The following SAXO1 variants were observed in gnomAD, a reference collection of about 807,000 sequenced individuals.
SAXO1 encodes the protein stabilizer of axonemal microtubules 1.
Under a neutral mutation model 17.5 loss-of-function variants are expected in SAXO1, and 21 were observed. The ratio of observed to expected loss-of-function variants is 1.20; its 90% CI spans 0.85 to 1.72. The LOEUF (loss-of-function observed/expected upper bound fraction) is 1.72. SAXO1 is among the 40% of genes most tolerant of loss of function. SAXO1 has a pLI of 0.00. For synonymous variants in SAXO1, 274 were observed against 216.5 expected, an observed-to-expected ratio of 1.27 and a Z score of -2.33; for missense variants, 843 against 596.0, an observed-to-expected ratio of 1.41 and a Z score of -4.32.
chr9:19,019,131 A>G (rs1265158248), intron 1 of SAXO1, among the ~76,000 whole-genome samples: 1 of 151,972 alleles, frequency 6.6e-6, no homozygotes, highest in African/African-American at 2.4e-5. Flanking sequence ...AAAAAAAAAG[A>G]ACCCTCTTAA....
chr9:18,929,142 G>A lies in SAXO1; in HGVS notation c.422-87C>T, dbSNP rs1269831830. The A allele has an allele frequency of 2.8e-6, 4 of 1,428,394 alleles. No individual in the cohort carries two copies. The African/African-American group carries it at 5.7e-5, about 20-fold the overall frequency. The allele number at this position is 1,428,394 out of a possible 1,614,324, so 88.5% of individuals were successfully genotyped here. ...TACAGAGCCCCAAGGTCTTAAGGCAGTCTCCGATGAAGTGTTCTTTGAGAC... is the reference window on the plus strand; with the variant it reads ...TACAGAGCCCCAAGGTCTTAAGGCAATCTCCGATGAAGTGTTCTTTGAGAC... On this transcript the variant is annotated intron_variant, in intron 3 of 3. Transcript: ENST00000380534.
intron 1 of SAXO1, among the ~76,000 whole-genome samples, chr9:18,956,275 T>C (rs1832256384): frequency 6.6e-6 from 1 of 151,814 alleles, no homozygotes; most frequent in African/African-American, 2.4e-5. Context: ...AGAATTTTCA[T>C]GGCTGCAAAC....
chr9:18,959,976 C>T (rs1310838384), intron 1 of SAXO1, among the ~76,000 whole-genome samples: 1 of 152,046 alleles, frequency 6.6e-6, no homozygotes, highest in Non-Finnish European at 1.5e-5. Context: ...ATGAGAGAAG[C>T]CCTGTTGGAA....
chr9:19,016,773 T>C (rs929639372), intron 1 of SAXO1, among the ~76,000 whole-genome samples: 1 of 152,012 alleles, frequency 6.6e-6, no homozygotes, highest in African/African-American at 2.4e-5. Flanking sequence ...CGCTAGCCAT[T>C]TTCTTTTAAC....
At chr9:18,936,694 G>A (rs1466930067) in intron 3 of SAXO1, among the ~76,000 whole-genome samples, 1 of 152,178 alleles carries the variant, frequency 6.6e-6, no homozygotes, top group Non-Finnish European at 1.5e-5. Context: ...CAGGGCCAGA[G>A]TGTCATGTGG....
In SAXO1 at chr9:19,014,059, G is replaced by C. The variant is rs563172053; in HGVS notation, c.38+18812C>G. Among the ~76,000 whole-genome samples the C allele has an allele frequency of 3.9e-5, 6 of 152,266 alleles. No homozygotes were observed. In the East Asian group the frequency reaches 1.2e-3, roughly 29 times the overall value. On this transcript the variant is annotated intron_variant, in intron 1 of 3. Coordinates refer to ENST00000380534, the MANE Select transcript of SAXO1 (RefSeq NM_153707.4). ...AAACGTCCTCAGGATAGTTTGGTGAGCCTGGAACACAGGCAGCATGAGGAG... is the reference window on the plus strand; with the variant it reads ...AAACGTCCTCAGGATAGTTTGGTGACCCTGGAACACAGGCAGCATGAGGAG...
At chr9:18,944,869 T>G (rs1038755843) in intron 2 of SAXO1, among the ~76,000 whole-genome samples, 1 of 152,246 alleles carries the variant, frequency 6.6e-6, no homozygotes, top group African/African-American at 2.4e-5. Flanking sequence ...CTGTTTTTAA[T>G]GTTTATTTAT....
intron 1 of SAXO1, among the ~76,000 whole-genome samples, chr9:18,991,150 C>G (rs559053629): frequency 1.3e-5 from 2 of 152,124 alleles, no homozygotes; most frequent in Admixed American, 6.5e-5. Context: ...CCCAGCTGCT[C>G]GAGAGGCTGA....
intron 1 of SAXO1, among the ~76,000 whole-genome samples, chr9:19,020,069 G>C (rs189295579): frequency 4.7e-5 from 7 of 150,212 alleles, no homozygotes; most frequent in East Asian, 2.0e-4. Flanking sequence ...CTTCAGTTGT[G>C]GTCTGACAAA....
intron 1 of SAXO1, among the ~76,000 whole-genome samples, chr9:18,989,650 A>C (rs986930775): frequency 6.6e-6 from 1 of 152,190 alleles, no homozygotes; most frequent in Non-Finnish European, 1.5e-5. Context: ...TAAACAACTC[A>C]TAAGTTATAT....
intron 1 of SAXO1, among the ~76,000 whole-genome samples, chr9:19,003,885 T>G (rs1834384131): frequency 6.6e-6 from 1 of 152,058 alleles, no homozygotes; most frequent in Non-Finnish European, 1.5e-5. Context: ...AAAGCCAAAA[T>G]AGACAAATGG....
intron 2 of SAXO1, among the ~76,000 whole-genome samples, chr9:18,942,557 G>A (rs888920437): frequency 2.6e-5 from 4 of 152,208 alleles, no homozygotes; most frequent in Non-Finnish European, 4.4e-5. Context: ...AAACCCAGAA[G>A]AGGAAAACAG....
chr9:18,955,761 TTC>T (rs1247060041), intron 1 of SAXO1, among the ~76,000 whole-genome samples: 4 of 151,974 alleles, frequency 2.6e-5, no homozygotes, highest in African/African-American at 9.7e-5. Context: ...ACTCTCACTT[TTC>T]TCTGTCTTCA....
intron 1 of SAXO1, among the ~76,000 whole-genome samples, chr9:18,980,201 T>A (rs1207254351): frequency 2.6e-5 from 4 of 152,210 alleles, no homozygotes; most frequent in Non-Finnish European, 1.5e-5. Context: ...GTCATTTTCA[T>A]GCTGTGAGAC....
In SAXO1 at chr9:18,956,800, C is replaced by T. The variant is rs140724280; in HGVS notation, c.39-5863G>A. Reference sequence around the variant, plus strand: ...GCTAATTTGTGGAGCAATTACTACGCACAACACGGGCTAAGTGTTTTATAT... The same window carrying T: ...GCTAATTTGTGGAGCAATTACTACGTACAACACGGGCTAAGTGTTTTATAT... On this transcript the variant is annotated intron_variant, in intron 1 of 3. Coordinates refer to ENST00000380534, the MANE Select transcript of SAXO1 (RefSeq NM_153707.4). 1.8e-3 allele frequency among the ~76,000 whole-genome samples: 280 copies of T among 152,332 alleles called. 1 individual carries two copies. Among genetic ancestry groups the T allele is most frequent in the African/African-American group, 6.3e-3 (263 of 41,584 alleles).
At chr9:19,007,940 A>G (rs75243708) in intron 1 of SAXO1, among the ~76,000 whole-genome samples, 3,764 of 151,102 alleles carry the variant, frequency 0.025, 145 homozygotes, top group African/African-American at 0.084. Flanking sequence ...CAAGGGATAC[A>G]GTCTGCAAGT....
intron 1 of SAXO1, among the ~76,000 whole-genome samples, chr9:19,000,245 C>T (rs10121747): frequency 0.57 from 83,978 of 146,264 alleles, 24,049 homozygotes; most frequent in Non-Finnish European, 0.62. Context: ...CGCCTCTGCC[C>T]GGCCACCCAA....
intron 2 of SAXO1, among the ~76,000 whole-genome samples, chr9:18,943,948 G>A (rs7029050): frequency 0.14 from 21,918 of 152,102 alleles, 2,213 homozygotes; most frequent in African/African-American, 0.29. Flanking sequence ...CAGGGATGCC[G>A]CAGAAACCTC....
In SAXO1 at chr9:19,013,971, T is replaced by C. The variant is rs147218321; in HGVS notation, c.38+18900A>G. On this transcript the variant is annotated intron_variant, in intron 1 of 3. Coordinates refer to ENST00000380534, the MANE Select transcript of SAXO1 (RefSeq NM_153707.4). ...AGTCTGTAACAGAGTCTGGTGAGTC[T>C]GAAATACAGGTTGTCAGTATAGTTA... Among the ~76,000 whole-genome samples, 536 of 152,308 alleles carry C rather than the reference T, an allele frequency of 3.5e-3. 1 individual carries two copies. Among genetic ancestry groups the C allele is most frequent in the African/African-American group, 0.012 (512 of 41,568 alleles).
Sources: allele counts gnomAD v4.1 joint callset (sites outside exome capture counted in the v4.1 genomes callset), GRCh38; gene constraint gnomAD v4.1.1; transcripts MANE v1.5; gene names NCBI Gene and HGNC (gene_info 2026-07-23, HGNC 2026-07-21).